Variants in CCSER1 observed in about 807,000 individuals in gnomAD.
CCSER1 encodes serine-rich coiled-coil domain-containing protein 1.
A neutral mutation model predicts 82.0 loss-of-function variants in CCSER1; 41 were observed. That is an observed-to-expected ratio of 0.50 (90% CI 0.39 to 0.65). CCSER1 has a LOEUF of 0.65. CCSER1 is among the 30% of genes least tolerant of loss of function. The probability of loss-of-function intolerance (pLI) is 0.00; values close to 1 mark genes in which losing one functional copy is unlikely to be tolerated. For missense variants in CCSER1, 1,119 were observed against 1,064.2 expected (o/e 1.05, Z -0.72); for synonymous variants, 414 against 383.9 (o/e 1.08, Z -0.92).
At chr4:90,629,447 G>T (rs1013493745) in intron 6 of CCSER1, among the ~76,000 whole-genome samples, 2 of 152,190 alleles carry the variant, frequency 1.3e-5, no homozygotes, top group Non-Finnish European at 1.5e-5. Flanking sequence ...CGGCAGGCAA[G>T]AGAGCTTGTG....
At chr4:91,292,099 G>C (rs1743793715) in intron 10 of CCSER1, among the ~76,000 whole-genome samples, 1 of 151,994 alleles carries the variant, frequency 6.6e-6, no homozygotes, top group African/African-American at 2.4e-5. Context: ...AAGGCGAATA[G>C]AAGTTAGTTG....
At chr4:90,345,091 CTG>C (rs1396684240) in intron 3 of CCSER1, among the ~76,000 whole-genome samples, 1 of 152,078 alleles carries the variant, frequency 6.6e-6, no homozygotes, top group African/African-American at 2.4e-5. Context: ...GCACTATCAA[CTG>C]TTTTATTGTC....
intron 4 of CCSER1, among the ~76,000 whole-genome samples, chr4:90,413,885 C>G (rs1486286450): frequency 5.1e-4 from 66 of 129,408 alleles, no homozygotes; most frequent in Admixed American, 2.6e-3. Context: ...GGAGGTGGAG[C>G]TTGCAGTGAG....
intron 5 of CCSER1, among the ~76,000 whole-genome samples, chr4:90,485,360 A>G (rs1204267558): frequency 6.6e-6 from 1 of 152,128 alleles, no homozygotes; most frequent in African/African-American, 2.4e-5. Flanking sequence ...CGGTTCACGC[A>G]CGGTGCGCTG....
chr4:90,294,875 C>A (rs1731577686), intron 1 of CCSER1, among the ~76,000 whole-genome samples: 2 of 151,816 alleles, frequency 1.3e-5, no homozygotes, highest in South Asian at 4.1e-4. Context: ...AAAAATCATA[C>A]ACACATATGA....
intron 3 of CCSER1, among the ~76,000 whole-genome samples, chr4:90,320,425 A>G (rs2153486823): frequency 6.6e-6 from 1 of 152,270 alleles, no homozygotes; most frequent in South Asian, 2.1e-4. Flanking sequence ...CTTGATCAGG[A>G]AGGCCATACC....
intron 10 of CCSER1, among the ~76,000 whole-genome samples, chr4:91,348,293 G>T (rs72879102): frequency 0.066 from 10,022 of 152,044 alleles, 1,097 homozygotes; most frequent in African/African-American, 0.23. Context: ...ATTGATTTTT[G>T]AATATTGAAT....
Position 90,572,021 on chromosome 4 carries a change from T to C in CCSER1, c.1725-56004T>C, listed in dbSNP as rs1239033807. On this transcript the variant is annotated intron_variant, in intron 5 of 10. Transcript: ENST00000509176. ...TATTACTCATTGGCATTTTCTTTCA[T>C]CTTGAATAATTACCTTTAGCAGTTT... Among the ~76,000 whole-genome samples the C allele has an allele frequency of 2.0e-5, 3 of 152,208 alleles. 1 individual carries two copies. The highest frequency in any genetic ancestry group is 2.0e-4 in the Admixed American group (3 of 15,280).
At chr4:90,287,265 T>C (rs1177347250) in intron 1 of CCSER1, among the ~76,000 whole-genome samples, 1 of 151,952 alleles carries the variant, frequency 6.6e-6, no homozygotes, top group Admixed American at 6.6e-5. Flanking sequence ...ATAAAATTAT[T>C]ATTTAGAAGT....
Position 90,408,985 on chromosome 4 carries a change from A to C in CCSER1, c.1603+8856A>C, listed in dbSNP as rs369064049. The stretch of plus-strand genomic sequence containing the variant: ...AGCAGGAGAACTACGTGATGAATGC[A>C]CAAGCCTCAGTAACTGATGCGATCA... On this transcript the variant is annotated intron_variant, in intron 4 of 10. Transcript: ENST00000509176. Among the ~76,000 whole-genome samples, 43 of 152,366 alleles carry C rather than the reference A, an allele frequency of 2.8e-4. No individual in the cohort carries two copies. In the East Asian group the frequency reaches 8.1e-3, roughly 29 times the overall value.
In CCSER1 at chr4:91,605,288, A is replaced by G. The variant is rs1394489120; in HGVS notation, c.*6231A>G. On this transcript the variant is annotated 3_prime_UTR_variant, in exon 11 of 11. Transcript: ENST00000509176. ...TTTCCTGCTCATAATAAATTTTAAA[A>G]CAACAAATTAGTTGTGTGGTACCTG... is the stretch of plus-strand genomic sequence containing the variant. 6.6e-6 allele frequency: 1 copy of G among 152,118 alleles called. No homozygotes were observed. The highest frequency in any genetic ancestry group is 1.5e-5 in the Non-Finnish European group (1 of 67,972). The allele number at this position is 152,118 out of a possible 1,614,324, so 9.4% of individuals were successfully genotyped here.
At chr4:90,664,346 A>G (rs1248870617) in intron 6 of CCSER1, among the ~76,000 whole-genome samples, 1 of 152,186 alleles carries the variant, frequency 6.6e-6, no homozygotes, top group Non-Finnish European at 1.5e-5. Context: ...ACTTTCAATC[A>G]TAGATTAAAT....
chr4:90,156,572 A>G (rs1267838519), intron 1 of CCSER1, among the ~76,000 whole-genome samples: 6 of 152,152 alleles, frequency 3.9e-5, no homozygotes, highest in Admixed American at 1.3e-4. Flanking sequence ...TTGGGTGCAT[A>G]TATATTTAGG....
intron 3 of CCSER1, among the ~76,000 whole-genome samples, chr4:90,353,724 T>A (rs1353072929): frequency 6.6e-6 from 1 of 152,098 alleles, no homozygotes. Flanking sequence ...CACAAGACAA[T>A]ATCCACTGCA....
At chr4:90,248,087 A>G (rs1336712527) in intron 1 of CCSER1, among the ~76,000 whole-genome samples, 1 of 152,146 alleles carries the variant, frequency 6.6e-6, no homozygotes, top group African/African-American at 2.4e-5. Context: ...GGGCAAATAT[A>G]TTTAGCTATT....
At chr4:91,361,730 C>T (rs1025592202) in intron 10 of CCSER1, among the ~76,000 whole-genome samples, 40 of 151,714 alleles carry the variant, frequency 2.6e-4, no homozygotes, top group African/African-American at 8.9e-4. Context: ...CTTTGAGATA[C>T]GGAAGTGTTT....
chr4:91,419,064 A>T (rs1753547487), intron 10 of CCSER1, among the ~76,000 whole-genome samples: 1 of 152,034 alleles, frequency 6.6e-6, no homozygotes, highest in Admixed American at 6.6e-5. Context: ...TCAACAAATT[A>T]GGTATAAAAC....
chr4:91,520,317 T>TA (rs1760388550), intron 10 of CCSER1, among the ~76,000 whole-genome samples: 1 of 151,906 alleles, frequency 6.6e-6, no homozygotes, highest in African/African-American at 2.4e-5. Context: ...TTTTTTTTTT[T>TA]AATCAGTGTT....
intron 10 of CCSER1, among the ~76,000 whole-genome samples, chr4:91,192,740 A>AT (rs1158766513): frequency 2.6e-5 from 4 of 151,852 alleles, no homozygotes; most frequent in South Asian, 2.1e-4. Context: ...AGCTGTGCTG[A>AT]TTTTTTTTCC....
Sources: allele counts gnomAD v4.1 joint callset (sites outside exome capture counted in the v4.1 genomes callset), GRCh38; gene constraint gnomAD v4.1.1; transcripts MANE v1.5; gene names NCBI Gene and HGNC (gene_info 2026-07-23, HGNC 2026-07-21).